CERS6: variants seen among roughly 807,000 people sequenced by gnomAD.
The protein encoded by CERS6 is LAG1 homolog, ceramide synthase 6.
A neutral mutation model predicts 56.8 loss-of-function variants in CERS6; 26 were observed. The observed-to-expected ratio is 0.46, with a 90% confidence interval of 0.34 to 0.63. CERS6 has a LOEUF of 0.63. Among genes scored for constraint, CERS6 ranks in the 30% least tolerant of loss-of-function variants. CERS6 has a pLI of 0.01. For synonymous variants in CERS6, 164 were observed against 173.3 expected, an observed-to-expected ratio of 0.95 and a Z score of 0.42; for missense variants, 415 against 467.5, an observed-to-expected ratio of 0.89 and a Z score of 1.04.
At chr2:168,460,088 CTT>C (rs1469641579) in intron 1 of CERS6, among the ~76,000 whole-genome samples, 1 of 152,090 alleles carries the variant, frequency 6.6e-6, no homozygotes, top group African/African-American at 2.4e-5. Context: ...GCCTTTGTAA[CTT>C]ATTGTTTTCA....
chr2:168,724,491 C>T (rs912140317), intron 8 of CERS6, among the ~76,000 whole-genome samples: 5 of 152,048 alleles, frequency 3.3e-5, no homozygotes, highest in East Asian at 1.9e-4. Flanking sequence ...TTGGTAGAGC[C>T]GAGTGGTCTG....
chr2:168,719,783 C>T (rs1227749491), intron 8 of CERS6, among the ~76,000 whole-genome samples: 3 of 152,168 alleles, frequency 2.0e-5, no homozygotes, highest in African/African-American at 4.8e-5. Context: ...AGTCACAATA[C>T]ATCCTTCTAG....
At chr2:168,655,022 C>T (rs112420073) in intron 4 of CERS6, among the ~76,000 whole-genome samples, 71 of 152,230 alleles carry the variant, frequency 4.7e-4, no homozygotes, top group African/African-American at 1.7e-3. Context: ...AAGGACAGTA[C>T]TTACAACTCA....
intron 3 of CERS6, among the ~76,000 whole-genome samples, chr2:168,574,517 A>G (rs761198440): frequency 1.3e-5 from 2 of 152,106 alleles, no homozygotes; most frequent in African/African-American, 4.8e-5. Context: ...TTTTATCATC[A>G]TCCTTAGGAT....
intron 1 of CERS6, among the ~76,000 whole-genome samples, chr2:168,505,765 A>G (rs563182808): frequency 2.2e-4 from 34 of 152,330 alleles, no homozygotes; most frequent in Non-Finnish European, 4.3e-4. Flanking sequence ...TAATGAAGTA[A>G]GGAACTGGTC....
intron 3 of CERS6, among the ~76,000 whole-genome samples, chr2:168,580,183 A>G (rs1226376475): frequency 6.6e-6 from 1 of 151,580 alleles, no homozygotes; most frequent in Non-Finnish European, 1.5e-5. Context: ...GTCCGGACAC[A>G]TTTGTTTTTT....
At chr2:168,536,110 T>G (rs975053076) in intron 1 of CERS6, among the ~76,000 whole-genome samples, 1 of 152,214 alleles carries the variant, frequency 6.6e-6, no homozygotes, top group African/African-American at 2.4e-5. Flanking sequence ...TAAATTCAAG[T>G]GGCAGAGATA....
intron 4 of CERS6, among the ~76,000 whole-genome samples, chr2:168,665,998 A>T (rs113841608): frequency 2.4e-5 from 3 of 124,780 alleles, no homozygotes; most frequent in Admixed American, 8.4e-5. Flanking sequence ...GTGTAGTTTT[A>T]GGTTTAGAGA....
chr2:168,730,595 C>T (rs923682262), intron 8 of CERS6, among the ~76,000 whole-genome samples: 3 of 152,122 alleles, frequency 2.0e-5, no homozygotes, highest in African/African-American at 7.2e-5. Context: ...CCCCAGCCAC[C>T]CTGTGGATTT....
At chr2:168,564,674 G>A (rs1243394032) in intron 3 of CERS6, among the ~76,000 whole-genome samples, 1 of 152,048 alleles carries the variant, frequency 6.6e-6, no homozygotes, top group Non-Finnish European at 1.5e-5. Context: ...GGTGTTCCAG[G>A]CCAGGAACTT....
At chr2:168,477,173 CAGAGAG>C (rs10609883) in intron 1 of CERS6, among the ~76,000 whole-genome samples, 23,827 of 115,252 alleles carry the variant, frequency 0.21, 2,138 homozygotes, top group Middle Eastern at 0.3. Context: ...GAGGGAGAGA[CAGAGAG>C]AGAGAGAGAG....
chr2:168,734,569 C>T (rs1381543105), intron 8 of CERS6, among the ~76,000 whole-genome samples: 1 of 152,222 alleles, frequency 6.6e-6, no homozygotes, highest in Non-Finnish European at 1.5e-5. Flanking sequence ...CACACATGCA[C>T]ACGCACACAT....
At chr2:168,536,330 A>G (rs900103262) in intron 1 of CERS6, among the ~76,000 whole-genome samples, 9 of 152,204 alleles carry the variant, frequency 5.9e-5, no homozygotes, top group Non-Finnish European at 8.8e-5. Context: ...AAGAACAACA[A>G]TATAATATGA....
intron 4 of CERS6, among the ~76,000 whole-genome samples, chr2:168,675,442 TG>T (rs1686033648): frequency 6.6e-6 from 1 of 151,758 alleles, no homozygotes; most frequent in Admixed American, 6.6e-5. Flanking sequence ...AAAAATTAGC[TG>T]GGCATGGTGG....
chr2:168,761,052 C>T (rs894473365), intron 8 of CERS6, among the ~76,000 whole-genome samples: 8 of 152,148 alleles, frequency 5.3e-5, no homozygotes, highest in Admixed American at 2.0e-4. Flanking sequence ...CCACCGCGCC[C>T]GGCCGGGTTT....
rs1418754666 is a variant in CERS6 at position 168,770,762 on chromosome 2, G to A, written c.*1100G>A. On this transcript the variant is annotated 3_prime_UTR_variant, in exon 10 of 10. Coordinates refer to ENST00000305747, the MANE Select transcript of CERS6 (RefSeq NM_203463.3). ...AGCAAAATAAAGCCAATGGGAGAAA[G>A]ACTATTTTACCCTTTGCTTTTCTCC... 1 of 152,664 alleles carries A rather than the reference G, an allele frequency of 6.6e-6. No individual in the cohort carries two copies. Among genetic ancestry groups the A allele is most frequent in the South Asian group, 2.1e-4 (1 of 4,818 alleles). The allele number at this position is 152,664 out of a possible 1,614,324, so 9.5% of individuals were successfully genotyped here.
intron 4 of CERS6, among the ~76,000 whole-genome samples, chr2:168,685,541 A>G (rs1330671762): frequency 6.6e-6 from 1 of 152,166 alleles, no homozygotes; most frequent in Non-Finnish European, 1.5e-5. Context: ...ACTTCTGTTG[A>G]CAATGAAACC....
chr2:168,659,415 T>A (rs1463480689), intron 4 of CERS6, among the ~76,000 whole-genome samples: 20 of 152,238 alleles, frequency 1.3e-4, no homozygotes, highest in Admixed American at 1.2e-3. Flanking sequence ...ATAGAAATGT[T>A]TTATGCATAA....
chr2:168,547,206 G>A (rs1695481054), intron 1 of CERS6, among the ~76,000 whole-genome samples: 1 of 152,186 alleles, frequency 6.6e-6, no homozygotes, highest in South Asian at 2.1e-4. Context: ...TAGATGCTTA[G>A]TAAACGTTTT....
Sources: allele counts gnomAD v4.1 joint callset (sites outside exome capture counted in the v4.1 genomes callset), GRCh38; gene constraint gnomAD v4.1.1; transcripts MANE v1.5; gene names NCBI Gene and HGNC (gene_info 2026-07-23, HGNC 2026-07-21).